The following ZNF235 variants were observed in gnomAD, a reference collection of about 807,000 sequenced individuals.
ZNF235 encodes zinc finger protein 235, also known as zfp-93.
ZNF235 carries 25 observed loss-of-function variants against 29.4 expected under a neutral mutation model. That is an observed-to-expected ratio of 0.85 (90% CI 0.62 to 1.19). ZNF235 has a LOEUF of 1.19. ZNF235 is among the 50% of genes most tolerant of loss of function. The pLI is 0.00. For synonymous variants in ZNF235, 300 were observed against 295.3 expected, an observed-to-expected ratio of 1.02 and a Z score of -0.16; for missense variants, 788 against 885.0, an observed-to-expected ratio of 0.89 and a Z score of 1.39.
At chr19:44,304,788 A>C (rs1599896343) in intron 1 of ZNF235, 183 bp downstream of exon 1, 1 of 985,460 alleles carries the variant, frequency 1.0e-6, no homozygotes, top group Non-Finnish European at 1.2e-6. Flanking sequence ...TCGAAGGACG[A>C]CGCGAGCCCG....
chr19:44,289,877 C>A (rs1369566973), intron 4 of ZNF235: 1 of 152,186 alleles, frequency 6.6e-6, no homozygotes, highest in Non-Finnish European at 1.5e-5. Context: ...TAGAAACATG[C>A]TCAAAATAAC....
At chr19:44,297,274 C>G (rs943064047) in intron 4 of ZNF235, 5 of 180,816 alleles carry the variant, frequency 2.8e-5, no homozygotes, top group Admixed American at 2.6e-4. Context: ...CAATGCCTGT[C>G]TGAGATGATG....
At position 44,295,950 on chromosome 19, in the gene ZNF235, G is replaced by T. The variant is rs143587655; in HGVS notation, c.238+2858C>A. Among the ~76,000 whole-genome samples the T allele has an allele frequency of 3.8e-3, 582 of 152,306 alleles. 5 individuals carry two copies. The highest frequency in any genetic ancestry group is 0.013 in the African/African-American group (545 of 41,582). On this transcript the variant is annotated intron_variant, in intron 4 of 4. Transcript: ENST00000291182. ...ATAATAGCCATTCTGGCTGGTATAA[G>T]ATGATATCTCACCATTGTTTTAATT...
chr19:44,289,105 T>C lies in ZNF235; in HGVS notation c.330A>G (p.Arg110=). The change falls in exon 5 of 5, where the codon AGA becomes AGG. Residue 110 remains arginine, a synonymous_variant. Transcript: ENST00000291182. ...TTCTGGCTAATTTGCTCGCAATGTG[T>C]CTCTTGATTTGCCAGCATGAAAGCT... ...LGELSCWQIK[R]HIASKLARSQ... is the part of the protein sequence containing the mutation. 6.2e-7 allele frequency: 1 copy of C among 1,614,142 alleles called. No individual in the cohort carries two copies. Among genetic ancestry groups the C allele is most frequent in the South Asian group, 1.1e-5 (1 of 91,082 alleles).
At chr19:44,289,861 C>T (rs953159729) in intron 4 of ZNF235, 3 of 152,212 alleles carry the variant, frequency 2.0e-5, no homozygotes, top group African/African-American at 7.2e-5. Flanking sequence ...ATACAACCTG[C>T]ACATCTAGAA....
At chr19:44,289,313 G>C (rs1975553193) in intron 4 of ZNF235, 117 bp from the exon 5 acceptor site, 1 of 890,652 alleles carries the variant, frequency 1.1e-6, no homozygotes. Flanking sequence ...CAACTAGACT[G>C]GCTGAAATAA....
At chr19:44,289,302 A>G in intron 4 of ZNF235, 106 bp from the exon 5 acceptor site, 1 of 996,954 alleles carries the variant, frequency 1.0e-6, no homozygotes, top group Non-Finnish European at 1.4e-6. Flanking sequence ...CGTCAAAAAA[A>G]CAACTAGACT....
chr19:44,297,999 G>C (rs1975677870), intron 4 of ZNF235, among the ~76,000 whole-genome samples: 1 of 152,010 alleles, frequency 6.6e-6, no homozygotes, highest in African/African-American at 2.4e-5. Context: ...CACACCTGTA[G>C]TTCCAGCTAC....
chr19:44,288,657 G>T lies in ZNF235; in HGVS notation c.778C>A (p.Gln260Lys), dbSNP rs759410681. ...PLTQRSIHTG[Q>K]KTYQGNECEE... ...CATTCATTACCCTGGTAGGTTTTCT[G>T]TCCTGTGTGAATACTACGCTGGGTA... Residue 260 changes from glutamine to lysine, a missense_variant, in exon 5 of 5, where the codon CAG (glutamine) becomes AAG (lysine). Physicochemically the swap from Gln to Lys is moderately conservative, Grantham distance 53. Coordinates refer to ENST00000291182, the MANE Select transcript of ZNF235 (RefSeq NM_004234.4). The T allele has an allele frequency of 6.2e-7, 1 of 1,614,062 alleles. No individual in the cohort carries two copies. Among genetic ancestry groups the T allele is most frequent in the Non-Finnish European group, 8.5e-7 (1 of 1,180,006 alleles).
At chr19:44,300,744 G>A (rs894728901) in intron 2 of ZNF235, among the ~76,000 whole-genome samples, 1 of 151,308 alleles carries the variant, frequency 6.6e-6, no homozygotes, top group Non-Finnish European at 1.5e-5. Context: ...GGGGGCTGAG[G>A]CAGGAGAATC....
In ZNF235 at chr19:44,288,668, A is replaced by C. The variant is rs146948588; in HGVS notation, c.767T>G (p.Ile256Ser). ...CTGGTAGGTTTTCTGTCCTGTGTGA[A>C]TACTACGCTGGGTAAGAGGTGATAC... ...LKVSPLTQRS[I>S]HTGQKTYQGN... Residue 256 changes from isoleucine (I) to serine (S), a missense_variant, in exon 5 of 5, where the codon ATT (isoleucine) becomes AGT (serine). Ile to Ser is a moderately radical substitution (Grantham distance 142). Coordinates refer to ENST00000291182, the MANE Select transcript of ZNF235 (RefSeq NM_004234.4). The C allele has an allele frequency of 2.0e-3, 3,197 of 1,614,144 alleles. 7 individuals are homozygous for C. Among genetic ancestry groups the C allele is most frequent in the Non-Finnish European group, 2.3e-3 (2,673 of 1,180,004 alleles).
At chr19:44,301,200 T>C (rs1244846947) in intron 2 of ZNF235, among the ~76,000 whole-genome samples, 2 of 152,228 alleles carry the variant, frequency 1.3e-5, no homozygotes, top group Non-Finnish European at 2.9e-5. Flanking sequence ...CCCGCACCTG[T>C]TTCCTACTTG....
At chr19:44,303,206 G>GAT (rs67283809) in intron 2 of ZNF235, among the ~76,000 whole-genome samples, 184 bp downstream of exon 2, 73 of 145,270 alleles carry the variant, frequency 5.0e-4, no homozygotes, top group African/African-American at 1.7e-3. Context: ...GAAATTAACA[G>GAT]ATATATATAT....
chr19:44,303,085 C>A (rs1359127051), intron 2 of ZNF235, among the ~76,000 whole-genome samples: 3 of 109,388 alleles, frequency 2.7e-5, no homozygotes, highest in Admixed American at 1.2e-4. Flanking sequence ...ATATATAATA[C>A]ATATATACAA....
rs8107046 is a variant in ZNF235, at chr19:44,304,078, G to T, written c.-48-626C>A. On this transcript the variant is annotated intron_variant, in intron 1 of 4. Coordinates refer to ENST00000291182, the MANE Select transcript of ZNF235 (RefSeq NM_004234.4). ...GTTGTCTAACATAATTAGTTCCGTT[G>T]GTAATGATAGTTAAACTGCCACAGG... is the stretch of plus-strand genomic sequence containing the variant. 7.5e-3 allele frequency among the ~76,000 whole-genome samples: 1,143 copies of T among 152,200 alleles called. 16 individuals are homozygous for T. The highest frequency in any genetic ancestry group is 0.026 in the African/African-American group (1,069 of 41,488).
At chr19:44,289,893 G>A (rs1343324270) in intron 4 of ZNF235, 6 of 152,182 alleles carry the variant, frequency 3.9e-5, no homozygotes. Flanking sequence ...ATAACTGATA[G>A]ACAAATCCAT....
chr19:44,296,125 C>G (rs1055269511), intron 4 of ZNF235, among the ~76,000 whole-genome samples: 4 of 152,162 alleles, frequency 2.6e-5, no homozygotes, highest in Non-Finnish European at 5.9e-5. Context: ...TGAGCCCATA[C>G]TGATTATAAA....
chr19:44,290,254 T>A, intron 4 of ZNF235: 1 of 153,004 alleles, frequency 6.5e-6, no homozygotes, highest in Non-Finnish European at 1.5e-5. Flanking sequence ...GCTCAAAGAC[T>A]ACCAGAACTT....
At chr19:44,297,309 AC>A in intron 4 of ZNF235, 1 of 162,142 alleles carries the variant, frequency 6.2e-6, no homozygotes. Flanking sequence ...GTGTCCAGCC[AC>A]CCCCAGGACT....
Sources: allele counts gnomAD v4.1 joint callset (sites outside exome capture counted in the v4.1 genomes callset), GRCh38; gene constraint gnomAD v4.1.1; transcripts MANE v1.5; gene names NCBI Gene and HGNC (gene_info 2026-07-23, HGNC 2026-07-21).